TSGA13: variants seen among roughly 807,000 people sequenced by gnomAD.
TSGA13 encodes the protein testis-specific gene 13 protein.
Under a neutral mutation model 35.1 loss-of-function variants are expected in TSGA13, and 37 were observed. The observed-to-expected ratio is 1.05, with a 90% CI of 0.81 to 1.39. The LOEUF is 1.39. Ranked by LOEUF, TSGA13 falls within the 40% of genes most tolerant of loss-of-function variation. The pLI is 0.00. For synonymous variants in TSGA13, 124 were observed against 121.2 expected, an observed-to-expected ratio of 1.02 and a Z score of -0.15; for missense variants, 338 against 328.5, an observed-to-expected ratio of 1.03 and a Z score of -0.22.
At chr7:130,675,502 G>A (rs1339558367) in intron 5 of TSGA13, among the ~76,000 whole-genome samples, 1 of 152,130 alleles carries the variant, frequency 6.6e-6, no homozygotes, top group East Asian at 1.9e-4. Flanking sequence ...TCCTGTGTTA[G>A]CCTCCGGAGT....
At chr7:130,672,511 TCC>T (rs1187236648) in intron 6 of TSGA13, among the ~76,000 whole-genome samples, 3 of 152,172 alleles carry the variant, frequency 2.0e-5, no homozygotes, top group African/African-American at 7.2e-5. Context: ...TTGGAATATT[TCC>T]CCTCAATCTT....
At chr7:130,673,037 C>CTT (rs1796318546) in intron 5 of TSGA13, among the ~76,000 whole-genome samples, 161 bp from the exon 6 acceptor site, 1 of 152,138 alleles carries the variant, frequency 6.6e-6, no homozygotes, top group African/African-American at 2.4e-5. Context: ...TCAGAGGAAG[C>CTT]CGTTCCCTGG....
intron 7 of TSGA13, among the ~76,000 whole-genome samples, chr7:130,670,724 A>G (rs782320209): frequency 2.0e-5 from 3 of 152,042 alleles, no homozygotes; most frequent in Admixed American, 1.3e-4. Flanking sequence ...GGTTCAAGCA[A>G]TCCTCCTTCC....
At chr7:130,679,479 A>T (rs1796491167) in intron 4 of TSGA13, 112 bp from the exon 5 acceptor site, 2 of 923,696 alleles carry the variant, frequency 2.2e-6, no homozygotes, top group Non-Finnish European at 3.2e-6. Flanking sequence ...AGCTGGACAG[A>T]CTTGCTGCAA....
chr7:130,669,114 A>G lies in TSGA13; in HGVS notation c.728T>C (p.Leu243Pro). Reference sequence around the variant, plus strand: ...GGTTCTGGTGGGCATGTCTTCCAAGAGCGATGCGAGTGTCAGTGGTTCCCG... The same window carrying G: ...GGTTCTGGTGGGCATGTCTTCCAAGGGCGATGCGAGTGTCAGTGGTTCCCG... ...VIREPLTLAS[L>P]LEDMPTRTAP... The change falls in exon 8 of 8, where the codon CTC (leucine) becomes CCC (proline). Residue 243 changes from leucine (L) to proline (P), a missense_variant. Leu to Pro is a moderately conservative substitution (Grantham distance 98). Coordinates refer to ENST00000356588, the MANE Select transcript of TSGA13 (RefSeq NM_052933.4). The G allele has an allele frequency of 6.2e-7, 1 of 1,614,118 alleles. No homozygotes were observed. Among genetic ancestry groups the G allele is most frequent in the Non-Finnish European group, 8.5e-7 (1 of 1,180,004 alleles).
At chr7:130,680,668 A>AT (rs1554464948) in intron 4 of TSGA13, among the ~76,000 whole-genome samples, 1 of 151,888 alleles carries the variant, frequency 6.6e-6, no homozygotes, top group African/African-American at 2.4e-5. Context: ...TTACAAATAT[A>AT]TTTTTTTCCT....
rs1563076628 is a variant in TSGA13, at chr7:130,668,735, G to A, written c.*279C>T. 20 of 1,485,106 alleles carry A rather than the reference G, an allele frequency of 1.3e-5. No homozygotes were observed. The highest frequency in any genetic ancestry group is 1.7e-4 in the Middle Eastern group (1 of 5,718). The allele number at this position is 1,485,106 out of a possible 1,614,324, so 92.0% of individuals were successfully genotyped here. On this transcript the variant is annotated 3_prime_UTR_variant, in exon 8 of 8. Transcript: ENST00000356588. ...CAGGCGCCGCAGCCGGCGAGCGGAA[G>A]AGGCTGCAGGAAGGCCGGCCCCGCG... is the stretch of plus-strand genomic sequence containing the variant.
In TSGA13 at chr7:130,679,293, G is replaced by A. The variant is rs1554464686; in HGVS notation, c.249C>T (p.Phe83=). ...FLAQNRKNTS[F]MLKVTQYDQD... is the part of the protein sequence containing the mutation. ...GGTCATACTGTGTTACTTTTAACAT[G>A]AAGCTGGTGTTTTTCCTGTTTTGAG... The change falls in exon 5 of 8, where the codon TTC becomes TTT. Residue 83 remains phenylalanine, a synonymous_variant. Transcript: ENST00000356588. The A allele has an allele frequency of 1.9e-6, 3 of 1,614,094 alleles. No homozygotes were observed. The highest frequency in any genetic ancestry group is 1.3e-5 in the African/African-American group (1 of 74,918).
chr7:130,682,775 G>C (rs1333506793), intron 3 of TSGA13, among the ~76,000 whole-genome samples: 1 of 152,202 alleles, frequency 6.6e-6, no homozygotes, highest in Admixed American at 6.5e-5. Context: ...TTGGCAGTTG[G>C]AGAAGGAGCG....
At chr7:130,678,554 G>A (rs797026500) in intron 5 of TSGA13, among the ~76,000 whole-genome samples, 6 of 152,266 alleles carry the variant, frequency 3.9e-5, no homozygotes, top group African/African-American at 1.4e-4. Context: ...TAGAAAGTCA[G>A]TGGCTAGTCT....
At chr7:130,684,418 G>A (rs1456990463) in intron 2 of TSGA13, among the ~76,000 whole-genome samples, 1 of 152,180 alleles carries the variant, frequency 6.6e-6, no homozygotes, top group African/African-American at 2.4e-5. Flanking sequence ...TCCTCAGTAA[G>A]ATTTGGTTAA....
chr7:130,681,143 TAC>T (rs1216272982), intron 3 of TSGA13, 126 bp from the exon 4 acceptor site: 7 of 770,274 alleles, frequency 9.1e-6, no homozygotes, highest in Non-Finnish European at 1.5e-5. Flanking sequence ...GTTAGAGAAG[TAC>T]AGTTAGAAGT....
chr7:130,674,880 A>G (rs1796373015), intron 5 of TSGA13, among the ~76,000 whole-genome samples: 1 of 152,232 alleles, frequency 6.6e-6, no homozygotes, highest in Non-Finnish European at 1.5e-5. Flanking sequence ...TTTTGCAATT[A>G]TAATGGCAAA....
rs782714693 is a variant in TSGA13 at position 130,669,234 on chromosome 7, GA to G, written c.659-52del. On this transcript the variant is annotated intron_variant, in intron 7 of 7. Transcript: ENST00000356588. ...TGAATGTGGCTTTTCAGAAGTACTCGAAGGATACTTAATGTGAGATGTAAAG... is the reference window on the plus strand; with the variant it reads ...TGAATGTGGCTTTTCAGAAGTACTCGAGGATACTTAATGTGAGATGTAAAG... 1.1e-5 allele frequency: 17 copies of G among 1,608,030 alleles called. No homozygotes were observed. In the African/African-American group the frequency reaches 1.9e-4, roughly 18 times the overall value.
intron 3 of TSGA13, among the ~76,000 whole-genome samples, chr7:130,683,097 G>GT (rs1422394952): frequency 6.6e-5 from 10 of 152,154 alleles, no homozygotes; most frequent in African/African-American, 1.2e-4. Flanking sequence ...TACTCCTGAA[G>GT]TTTTTTGAAG....
At position 130,668,654 on chromosome 7, in the gene TSGA13, G is replaced by C. The variant is rs782031413; in HGVS notation, c.*360C>G. ...TACCAGACTCCTCGTCCTTCTTGTC[G>C]AATTTTTTAATCATCTTGGACGACT... On this transcript the variant is annotated 3_prime_UTR_variant, in exon 8 of 8. Coordinates refer to ENST00000356588, the MANE Select transcript of TSGA13 (RefSeq NM_052933.4). 8.4e-6 allele frequency: 13 copies of C among 1,543,122 alleles called. No homozygotes were observed. The East Asian group carries it at 3.2e-4, about 38-fold the overall frequency.
intron 7 of TSGA13, 99 bp downstream of exon 7, chr7:130,671,562 C>T (rs1796267266): frequency 1.5e-6 from 2 of 1,326,524 alleles, no homozygotes; most frequent in Non-Finnish European, 2.0e-6. Context: ...AGGACTACCA[C>T]GAGAGAAGCC....
At chr7:130,673,266 G>A (rs182422537) in intron 5 of TSGA13, among the ~76,000 whole-genome samples, 39 of 152,286 alleles carry the variant, frequency 2.6e-4, no homozygotes, top group Non-Finnish European at 4.3e-4. Flanking sequence ...TCTTGGAGAT[G>A]GCTGCCTCAT....
At position 130,683,402 on chromosome 7, in the gene TSGA13, G is replaced by A. The variant is rs1584642577; in HGVS notation, c.102+192C>T. 2.0e-5 allele frequency among the ~76,000 whole-genome samples: 3 copies of A among 152,296 alleles called. No homozygotes were observed. The South Asian group carries it at 6.2e-4, about 32-fold the overall frequency. On this transcript the variant is annotated intron_variant, in intron 3 of 7. Coordinates refer to ENST00000356588, the MANE Select transcript of TSGA13 (RefSeq NM_052933.4). The stretch of plus-strand genomic sequence containing the variant: ...GGGTTTTATGTCCTGATTTGTTGCT[G>A]ATGTGTCCTGTTCCTTCTTTTTCTG...
Sources: allele counts gnomAD v4.1 joint callset (sites outside exome capture counted in the v4.1 genomes callset), GRCh38; gene constraint gnomAD v4.1.1; transcripts MANE v1.5; gene names NCBI Gene and HGNC (gene_info 2026-07-23, HGNC 2026-07-21).